Variants in DMD observed in about 807,000 individuals in gnomAD.
The protein encoded by DMD is mutant dystrophin.
A neutral mutation model predicts 330.1 loss-of-function variants in DMD; 63 were observed. The observed-to-expected ratio is 0.19, with a 90% CI of 0.16 to 0.24. DMD has a LOEUF of 0.24. Ranked by LOEUF, DMD falls within the 10% of genes least tolerant of loss-of-function variation. The pLI is 1.00. For missense variants in DMD, 3,344 were observed against 2,684.1 expected, an observed-to-expected ratio of 1.25 and a Z score of -5.43; for synonymous variants, 1,223 against 959.8, an observed-to-expected ratio of 1.27 and a Z score of -5.07.
At chrX:31,851,586 G>C (rs2093527610) in intron 48 of DMD, among the ~76,000 whole-genome samples, 1 of 111,822 alleles carries the variant, frequency 8.9e-6, no homozygotes, top group South Asian at 3.7e-4. Context: ...AAAATCACTT[G>C]AGTCATTCCA....
chrX:33,036,714 T>C (rs756539380), intron 1 of DMD, among the ~76,000 whole-genome samples: 2 of 111,476 alleles, frequency 1.8e-5, no homozygotes, highest in African/African-American at 6.5e-5. Context: ...GTAACCTACA[T>C]TGAATACATT....
chrX:32,731,149 C>T (rs1206821967), intron 7 of DMD, among the ~76,000 whole-genome samples: 2 of 112,037 alleles, frequency 1.8e-5, no homozygotes, highest in South Asian at 3.7e-4. Context: ...AAAGGGGTGA[C>T]GGACAGCACC....
chrX:33,032,046 G>A (rs1288831267), intron 1 of DMD, among the ~76,000 whole-genome samples: 1 of 111,383 alleles, frequency 9.0e-6, no homozygotes, highest in African/African-American at 3.3e-5. Context: ...TTGCTCATCG[G>A]TTTCTTTTTC....
chrX:31,627,477 G>A lies in DMD; in HGVS notation c.8217+196C>T, dbSNP rs955062422. On this transcript the variant is annotated intron_variant, in intron 55 of 78. Coordinates refer to ENST00000357033, the MANE Select transcript of DMD (RefSeq NM_004006.3). ...TCAGAGCATGTACTTTTTCTAAGACGAGGGTGTTAAGTGGAATTATAAATG... is the reference window on the plus strand; with the variant it reads ...TCAGAGCATGTACTTTTTCTAAGACAAGGGTGTTAAGTGGAATTATAAATG... Among the ~76,000 whole-genome samples the A allele has an allele frequency of 4.5e-5, 5 of 111,996 alleles. No individual in the cohort carries two copies. The South Asian group carries it at 1.9e-3, about 41-fold the overall frequency.
At chrX:31,662,204 T>C (rs189469195) in intron 53 of DMD, among the ~76,000 whole-genome samples, 1 of 111,724 alleles carries the variant, frequency 9.0e-6, no homozygotes, top group African/African-American at 3.2e-5. Flanking sequence ...GGAAATATGA[T>C]TAGGTGGGTT....
chrX:31,478,444 T>A, intron 58 of DMD, 70 bp from the exon 59 acceptor site: 1 of 1,179,222 alleles, frequency 8.5e-7, no homozygotes, highest in South Asian at 1.8e-5. Flanking sequence ...AAGGTCATAC[T>A]GGAAGAAAGA....
intron 7 of DMD, among the ~76,000 whole-genome samples, chrX:32,806,989 C>G (rs746363866): frequency 9.2e-6 from 1 of 108,580 alleles, no homozygotes; most frequent in Non-Finnish European, 1.9e-5. Flanking sequence ...CAGGAGAAAG[C>G]GGGAAAGATC....
intron 51 of DMD, among the ~76,000 whole-genome samples, chrX:31,734,801 T>C (rs1039634123): frequency 2.7e-5 from 3 of 111,796 alleles, no homozygotes; most frequent in African/African-American, 9.8e-5. Flanking sequence ...TCAGAGCATA[T>C]GGCAAAGATA....
chrX:32,504,767 G>A (rs1427176056), intron 18 of DMD, among the ~76,000 whole-genome samples: 1 of 111,315 alleles, frequency 9.0e-6, no homozygotes, highest in African/African-American at 3.3e-5. Flanking sequence ...GAGTGGGGAG[G>A]GAGTGAGGGG....
At chrX:31,207,421 A>C (rs1024385905) in intron 65 of DMD, among the ~76,000 whole-genome samples, 1 of 111,479 alleles carries the variant, frequency 9.0e-6, no homozygotes. Context: ...TCCATGGGGG[A>C]AAAAAAGGAA....
intron 1 of DMD, among the ~76,000 whole-genome samples, chrX:33,234,090 T>G (rs1217417719): frequency 8.9e-6 from 1 of 112,000 alleles, no homozygotes; most frequent in East Asian, 2.8e-4. Flanking sequence ...TTCCTGTCAT[T>G]GCTCTATACC....
chrX:31,477,469 C>T (rs1052132126), intron 59 of DMD, among the ~76,000 whole-genome samples: 9 of 111,583 alleles, frequency 8.1e-5, no homozygotes, highest in Middle Eastern at 4.6e-3. Flanking sequence ...CAAAATGATA[C>T]TCCTAAATAT....
intron 60 of DMD, among the ~76,000 whole-genome samples, chrX:31,408,496 C>T (rs1263091159): frequency 5.4e-5 from 6 of 110,799 alleles, no homozygotes; most frequent in Non-Finnish European, 1.1e-4. Context: ...ACCTCTGCCT[C>T]CCAGGTTTAA....
chrX:33,308,013 T>G (rs1454104187), intron 1 of DMD, among the ~76,000 whole-genome samples: 1 of 112,015 alleles, frequency 8.9e-6, no homozygotes, highest in South Asian at 3.7e-4. Context: ...TCAGCTATTA[T>G]CATACTTGGA....
intron 56 of DMD, 99 bp downstream of exon 56, chrX:31,507,182 C>T (rs2071032571): frequency 6.1e-6 from 5 of 813,103 alleles, no homozygotes; most frequent in South Asian, 2.1e-5. Context: ...GGATGATTTA[C>T]GTAGACATGT....
At chrX:33,011,619 G>A (rs1460904651) in intron 2 of DMD, among the ~76,000 whole-genome samples, 3 of 112,017 alleles carry the variant, frequency 2.7e-5, no homozygotes, top group Non-Finnish European at 5.7e-5. Flanking sequence ...CTTGGAGAGG[G>A]AAAACCATGT....
intron 51 of DMD, among the ~76,000 whole-genome samples, chrX:31,754,533 C>T (rs2088891041): frequency 9.0e-6 from 1 of 111,052 alleles, no homozygotes; most frequent in South Asian, 3.7e-4. Flanking sequence ...TTATCTATTC[C>T]TGTTAGAATT....
At chrX:32,720,499 T>G (rs186666462) in intron 7 of DMD, among the ~76,000 whole-genome samples, 1 of 112,325 alleles carries the variant, frequency 8.9e-6, no homozygotes, top group Admixed American at 9.5e-5. Flanking sequence ...GGGATTTTTT[T>G]AACGCCTTTT....
At chrX:32,272,932 CTT>C (rs2097370626) in intron 43 of DMD, among the ~76,000 whole-genome samples, 1 of 111,387 alleles carries the variant, frequency 9.0e-6, no homozygotes, top group Non-Finnish European at 1.9e-5. Flanking sequence ...ATTTAGGTAA[CTT>C]ATATAACTTA....
Sources: gnomAD v4.1 joint callset for allele counts (sites outside exome capture counted in the v4.1 genomes callset) on GRCh38, gnomAD v4.1.1 for gene constraint, MANE v1.5 for transcripts, NCBI Gene and HGNC (gene_info 2026-07-23, HGNC 2026-07-21) for gene names.